The following SCRIB variants were observed in gnomAD, a reference collection of about 807,000 sequenced individuals.
SCRIB encodes scribble planar cell polarity protein, also known as protein scribble homolog.
Under a neutral mutation model 170.0 loss-of-function variants are expected in SCRIB, and 72 were observed. The observed-to-expected ratio is 0.42, with a 90% CI of 0.35 to 0.52. The LOEUF is 0.52. Ranked by LOEUF, SCRIB falls within the 20% of genes least tolerant of loss-of-function variation. SCRIB has a pLI of 0.02. For missense variants in SCRIB, 2,475 were observed against 2,338.5 expected, an observed-to-expected ratio of 1.06 and a Z score of -1.20; for synonymous variants, 1,298 against 1,044.3, an observed-to-expected ratio of 1.24 and a Z score of -4.68.
intron 17 of SCRIB, 37 bp downstream of exon 17, chr8:143,806,887 C>T (rs1554636706): frequency 7.0e-7 from 1 of 1,418,752 alleles, no homozygotes; most frequent in Non-Finnish European, 9.8e-7. Flanking sequence ...TGGGGCAGGC[C>T]AGTGGCAGCG....
At position 143,791,911 on chromosome 8, in the gene SCRIB, G is replaced by A. The variant is rs782528555; in HGVS notation, c.4660C>T (p.Leu1554Phe). 1.3e-6 allele frequency: 2 copies of A among 1,517,354 alleles called. No homozygotes were observed. Among genetic ancestry groups the A allele is most frequent in the Admixed American group, 2.2e-5 (1 of 46,018 alleles). 94.0% of individuals were successfully genotyped at this position (1,517,354 alleles called of 1,614,324 possible). A position where few individuals can be genotyped will look rare whatever the true frequency, so the allele number is the denominator to read the frequency against. ...GGGGAGGTGCTGGTCTGGGGGCCGA[G>A]GTCTGGGGGGACAAGAAGCGGGCAT... ...PTPSPTPVEDLGPQTSTSPGR... is the reference protein window; with the variant it reads ...PTPSPTPVEDFGPQTSTSPGR... Residue 1554 changes from leucine (L) to phenylalanine (F), a missense_variant and splice_region_variant, in exon 34 of 37, where the codon CTC (leucine) becomes TTC (phenylalanine). Around this residue, in one of 3 missense-constraint regions of SCRIB, gnomAD observed 1,966 missense variants for 1,742.9 expected, o/e 1.13. Transcript: ENST00000356994.
At chr8:143,798,453 G>C (rs1815035377) in intron 24 of SCRIB, among the ~76,000 whole-genome samples, 1 of 152,088 alleles carries the variant, frequency 6.6e-6, no homozygotes, top group Non-Finnish European at 1.5e-5. Flanking sequence ...CCACGCTCCT[G>C]CTCTCAGTTG....
At position 143,808,634 on chromosome 8, in the gene SCRIB, G is replaced by A. The variant is rs866306647; in HGVS notation, c.2090C>T (p.Ala697Val). The A allele has an allele frequency of 1.3e-6, 2 of 1,512,334 alleles. No individual in the cohort carries two copies. Among genetic ancestry groups the A allele is most frequent in the Non-Finnish European group, 1.8e-6 (2 of 1,131,398 alleles). The allele number at this position is 1,512,334 out of a possible 1,614,324, so 93.7% of individuals were successfully genotyped here. Residue 697 changes from alanine to valine, a missense_variant, in exon 15 of 37, where the codon GCC (alanine) becomes GTC (valine). Physicochemically the swap from Ala to Val is moderately conservative, Grantham distance 64. Transcript: ENST00000356994. The stretch of plus-strand genomic sequence containing the variant: ...CTTGACAGAGGGCGCAGAAACCACG[G>A]CCCCCTCCTTGTCCTCCTCCTCAGT... ...ASTEEEDKEG[A>V]VVSAPSVKGV... is the part of the protein sequence containing the mutation.
chr8:143,806,528 C>A, intron 17 of SCRIB, 44 bp from the exon 18 acceptor site: 1 of 1,477,628 alleles, frequency 6.8e-7, no homozygotes, highest in Middle Eastern at 1.7e-4. Context: ...GGAGACGGGC[C>A]CGCATTCCTG....
At chr8:143,813,925 G>A (rs368856905) in intron 2 of SCRIB, 29 bp from the exon 3 acceptor site, 81 of 1,601,042 alleles carry the variant, frequency 5.1e-5, no homozygotes, top group Non-Finnish European at 6.7e-5. Flanking sequence ...GTGGACAGAT[G>A]CCATGGCCTG....
chr8:143,812,238 C>T (rs775251404), intron 9 of SCRIB, 28 bp downstream of exon 9: 1 of 1,451,626 alleles, frequency 6.9e-7, no homozygotes, highest in South Asian at 1.1e-5. Flanking sequence ...ACGGCCCCAT[C>T]CTTTCTGCCT....
rs1554636046 is a variant in SCRIB at position 143,804,940 on chromosome 8, G to T, written c.2745C>A (p.Val915=). Residue 915 remains valine (V), a synonymous_variant, in exon 20 of 37, where the codon GTC becomes GTA. Coordinates refer to ENST00000356994, the MANE Select transcript of SCRIB (RefSeq NM_182706.5). ...RAGTLQVGDR[V]LSINGVDVTE... is the part of the protein sequence containing the mutation. Reference sequence around the variant, plus strand: ...GGGCCCCATCCCCACTCACAGAGAGGACGCGGTCGCCAACCTGCAGTGTGC... The same window carrying T: ...GGGCCCCATCCCCACTCACAGAGAGTACGCGGTCGCCAACCTGCAGTGTGC... The T allele has an allele frequency of 6.4e-6, 10 of 1,559,126 alleles. No individual in the cohort carries two copies. The highest frequency in any genetic ancestry group is 7.8e-6 in the Non-Finnish European group (9 of 1,158,926).
chr8:143,793,863 C>A, intron 28 of SCRIB, 37 bp downstream of exon 28: 1 of 1,604,776 alleles, frequency 6.2e-7, no homozygotes, highest in Non-Finnish European at 8.5e-7. Context: ...TGCCCTCCAC[C>A]CACCATGGGG....
intron 28 of SCRIB, chr8:143,793,299 T>G: frequency 2.2e-6 from 1 of 447,868 alleles, no homozygotes. Flanking sequence ...GGGAGCCCCT[T>G]GGCCAGGCCT....
At chr8:143,799,353 G>A (rs1009532367) in intron 24 of SCRIB, among the ~76,000 whole-genome samples, 2 of 152,250 alleles carry the variant, frequency 1.3e-5, no homozygotes, top group Non-Finnish European at 2.9e-5. Flanking sequence ...ATGATGACAA[G>A]GGAGAGGTGG....
chr8:143,809,080 G>A (rs1815577932), intron 14 of SCRIB, 55 bp from the exon 15 acceptor site: 13 of 1,557,174 alleles, frequency 8.3e-6, no homozygotes, highest in Non-Finnish European at 8.7e-6. Flanking sequence ...GCTTCCACAG[G>A]AAGACCCTAC....
Position 143,803,556 on chromosome 8 carries a change from C to T in SCRIB, c.3430G>A (p.Ala1144Thr), listed in dbSNP as rs1815265802. ...IFISKVSPTG[A>T]AGRDGRLRVG... ...CGCAGCCGACCGTCGCGCCCGGCTG[C>T]CCCCGTGGGGCTCACCTGTGGGGAG... Residue 1144 changes from alanine (A) to threonine (T), a missense_variant, in exon 24 of 37, where the codon GCA (alanine) becomes ACA (threonine). This residue lies in a region of SCRIB where 1,966 missense variants were observed against 1,742.9 expected (regional missense o/e 1.13). Coordinates refer to ENST00000356994, the MANE Select transcript of SCRIB (RefSeq NM_182706.5). 6.2e-7 allele frequency: 1 copy of T among 1,602,974 alleles called. No individual in the cohort carries two copies.
Position 143,815,472 on chromosome 8 carries a change from C to T in SCRIB, c.-100G>A, listed in dbSNP as rs1282836808. On this transcript the variant is annotated 5_prime_UTR_variant, in exon 1 of 37. Transcript: ENST00000356994. ...ATGGGCGCCGCGCATGGGGAGGGGG[C>T]GCAGGCAGGGGGCGGGCCGCCCGAG... 3.8e-6 allele frequency: 4 copies of T among 1,052,592 alleles called. No individual in the cohort carries two copies. The highest frequency in any genetic ancestry group is 3.4e-5 in the African/African-American group (2 of 58,386). The allele number at this position is 1,052,592 out of a possible 1,614,324, so 65.2% of individuals were successfully genotyped here. A position where few individuals can be genotyped will look rare whatever the true frequency, so the allele number is the denominator to read the frequency against.
chr8:143,799,703 A>G (rs945889071), intron 24 of SCRIB, among the ~76,000 whole-genome samples: 2 of 152,152 alleles, frequency 1.3e-5, no homozygotes, highest in Admixed American at 6.5e-5. Context: ...AAGGCCCGAC[A>G]GCAAGTGAGG....
In SCRIB at chr8:143,806,964, G is replaced by C; in HGVS notation, c.2228C>G (p.Ala743Gly). Residue 743 changes from alanine to glycine, a missense_variant, in exon 17 of 37, where the codon GCG becomes GGG. Physicochemically the swap from Ala to Gly is moderately conservative, Grantham distance 60 (BLOSUM62 0). Coordinates refer to ENST00000356994, the MANE Select transcript of SCRIB (RefSeq NM_182706.5). Reference sequence around the variant, plus strand: ...ATAGGGTGTGGAGCCCTTGCCGCCCGCAATGCTGATGCCCAGGCCCCCAGT... The same window carrying C: ...ATAGGGTGTGGAGCCCTTGCCGCCCCCAATGCTGATGCCCAGGCCCCCAGT... Reference protein sequence around the residue: ...RQTGGLGISIAGGKGSTPYKG... With the variant: ...RQTGGLGISIGGGKGSTPYKG... The C allele has an allele frequency of 1.2e-6, 2 of 1,613,252 alleles. No homozygotes were observed. The highest frequency in any genetic ancestry group is 1.7e-6 in the Non-Finnish European group (2 of 1,179,718).
intron 21 of SCRIB, 68 bp from the exon 22 acceptor site, chr8:143,804,224 A>G: frequency 1.7e-6 from 2 of 1,205,064 alleles, no homozygotes; most frequent in Non-Finnish European, 2.3e-6. Context: ...GAGGGCTCCC[A>G]AGAGTCCGTC....
At chr8:143,811,984 T>C (rs1249120111) in intron 9 of SCRIB, among the ~76,000 whole-genome samples, 1 of 152,134 alleles carries the variant, frequency 6.6e-6, no homozygotes, top group Non-Finnish European at 1.5e-5. Context: ...TAAGTTCCCA[T>C]TCCTGCCTCT....
At chr8:143,808,409 T>C (rs1378917978) in intron 15 of SCRIB, among the ~76,000 whole-genome samples, 200 bp downstream of exon 15, 1 of 146,240 alleles carries the variant, frequency 6.8e-6, no homozygotes, top group African/African-American at 2.5e-5. Context: ...AGTCCAAGCA[T>C]GGACTGAGAC....
rs1213530026 is a variant in SCRIB, at chr8:143,803,552, G to A, written c.3434C>T (p.Ala1145Val). The A allele has an allele frequency of 6.2e-7, 1 of 1,603,234 alleles. No individual in the cohort carries two copies. The highest frequency in any genetic ancestry group is 8.5e-7 in the Non-Finnish European group (1 of 1,178,698). ...CACACGCAGCCGACCGTCGCGCCCG[G>A]CTGCCCCCGTGGGGCTCACCTGTGG... ...FISKVSPTGA[A>V]GRDGRLRVGL... The change falls in exon 24 of 37, where the codon GCC becomes GTC. Residue 1145 changes from alanine (A) to valine (V), a missense_variant. This residue lies in a region of SCRIB where 1,966 missense variants were observed against 1,742.9 expected (regional missense o/e 1.13). Coordinates refer to ENST00000356994, the MANE Select transcript of SCRIB (RefSeq NM_182706.5).
Sources: gnomAD v4.1 joint callset for allele counts (sites outside exome capture counted in the v4.1 genomes callset) on GRCh38, gnomAD v4.1.1 for gene constraint, gnomAD v4.1.1 regional missense constraint, MANE v1.5 for transcripts, NCBI Gene and HGNC (gene_info 2026-07-23, HGNC 2026-07-21) for gene names.